BTBD9: variants seen among roughly 807,000 people sequenced by gnomAD.
The protein encoded by BTBD9 is BTB/POZ domain-containing protein 9.
Under a neutral mutation model 64.3 loss-of-function variants are expected in BTBD9, and 49 were observed. The ratio of observed to expected loss-of-function variants is 0.76; its 90% CI spans 0.61 to 0.97. The LOEUF is 0.97. Ranked by LOEUF, BTBD9 falls within the 50% of genes least tolerant of loss-of-function variation. The probability of loss-of-function intolerance (pLI) is 0.00; values close to 1 mark genes in which losing one functional copy is unlikely to be tolerated. For missense variants in BTBD9, 598 were observed against 762.1 expected (o/e 0.78, Z 2.53); for synonymous variants, 260 against 274.7 (o/e 0.95, Z 0.53).
intron 4 of BTBD9, among the ~76,000 whole-genome samples, chr6:38,586,418 A>C (rs886627705): frequency 1.6e-5 from 2 of 127,472 alleles, no homozygotes; most frequent in Non-Finnish European, 3.4e-5. Context: ...TTTTTTTTTA[A>C]GGGGGAAAAA....
chr6:38,522,914 G>A (rs1471899865), intron 6 of BTBD9, among the ~76,000 whole-genome samples: 2 of 152,200 alleles, frequency 1.3e-5, no homozygotes, highest in African/African-American at 2.4e-5. Context: ...TGGGCACAGT[G>A]GTTCATGCCT....
At chr6:38,313,874 T>C (rs1488646749) in intron 7 of BTBD9, among the ~76,000 whole-genome samples, 4 of 150,358 alleles carry the variant, frequency 2.7e-5, no homozygotes, top group African/African-American at 4.9e-5. Context: ...CTCAGCCTCC[T>C]GAGTAGCTGG....
At chr6:38,486,026 T>G (rs1412887811) in intron 6 of BTBD9, among the ~76,000 whole-genome samples, 2 of 152,226 alleles carry the variant, frequency 1.3e-5, no homozygotes, top group African/African-American at 4.8e-5. Context: ...TCTTGCATTT[T>G]TATGTTATGG....
chr6:38,620,779 GA>G (rs1777956326), intron 1 of BTBD9, among the ~76,000 whole-genome samples: 1 of 152,062 alleles, frequency 6.6e-6, no homozygotes, highest in Non-Finnish European at 1.5e-5. Context: ...GGTTCCTTGG[GA>G]TCACCAACTT....
intron 6 of BTBD9, among the ~76,000 whole-genome samples, chr6:38,435,061 G>C (rs2127299951): frequency 6.6e-6 from 1 of 151,808 alleles, no homozygotes; most frequent in Admixed American, 6.6e-5. Flanking sequence ...AGGCATGGTG[G>C]CACATGCCTG....
At chr6:38,408,362 A>AATAC (rs1562141966) in intron 6 of BTBD9, among the ~76,000 whole-genome samples, 1 of 151,558 alleles carries the variant, frequency 6.6e-6, no homozygotes, top group African/African-American at 2.4e-5. Flanking sequence ...TAAACAAAAC[A>AATAC]AAACAAAACC....
At chr6:38,454,392 T>C (rs546323288) in intron 6 of BTBD9, among the ~76,000 whole-genome samples, 171 of 151,962 alleles carry the variant, frequency 1.1e-3, no homozygotes, top group African/African-American at 4.0e-3. Context: ...AAATTCAAAT[T>C]TAAAGACATC....
chr6:38,177,625 C>T (rs115036120), intron 10 of BTBD9, among the ~76,000 whole-genome samples: 5 of 152,218 alleles, frequency 3.3e-5, no homozygotes, highest in South Asian at 2.1e-4. Flanking sequence ...CTCCGCACTG[C>T]GCTGGTAAGA....
chr6:38,396,291 A>C (rs946786366), intron 6 of BTBD9, among the ~76,000 whole-genome samples: 1 of 152,172 alleles, frequency 6.6e-6, no homozygotes, highest in Admixed American at 6.5e-5. Flanking sequence ...TAAAACCAAA[A>C]CTAAAAAGCT....
chr6:38,478,595 G>A (rs6933758), intron 6 of BTBD9, among the ~76,000 whole-genome samples: 75,966 of 151,924 alleles, frequency 0.5, 20,207 homozygotes, highest in Non-Finnish European at 0.6. Context: ...GAGGAAATGT[G>A]CATGGGCAGA....
At chr6:38,286,295 T>A (rs1051310230) in intron 8 of BTBD9, among the ~76,000 whole-genome samples, 6 of 152,220 alleles carry the variant, frequency 3.9e-5, no homozygotes, top group Non-Finnish European at 8.8e-5. Context: ...GCAAGCAGCA[T>A]CAACTTCTAT....
At position 38,586,406 on chromosome 6, in the gene BTBD9, C is replaced by CT. The variant is rs994588843; in HGVS notation, c.815-5970dup. Reference sequence around the variant, plus strand: ...GATAAGTTTAAAACACTGTTTGGATCTTTTTTTTTTAAGGGGGAAAAAAAA... The same window carrying CT: ...GATAAGTTTAAAACACTGTTTGGATCTTTTTTTTTTTAAGGGGGAAAAAAAA... On this transcript the variant is annotated intron_variant, in intron 4 of 10. Transcript: ENST00000481247. 2.4e-4 allele frequency among the ~76,000 whole-genome samples: 33 copies of CT among 134,790 alleles called. No individual in the cohort carries two copies. In the East Asian group the frequency reaches 3.5e-3, roughly 14 times the overall value. The allele number at this position is 134,790 out of a possible 152,430, so 88.4% of individuals were successfully genotyped here. A position where few individuals can be genotyped will look rare whatever the true frequency, so the allele number is the denominator to read the frequency against.
chr6:38,388,912 A>G (rs1470641581), intron 6 of BTBD9, among the ~76,000 whole-genome samples: 1 of 152,218 alleles, frequency 6.6e-6, no homozygotes, highest in African/African-American at 2.4e-5. Context: ...CTTTCTCAAG[A>G]AAGAAATCTG....
At chr6:38,358,733 T>C (rs1764828458) in intron 6 of BTBD9, among the ~76,000 whole-genome samples, 1 of 152,016 alleles carries the variant, frequency 6.6e-6, no homozygotes, top group Non-Finnish European at 1.5e-5. Flanking sequence ...AGACAGGATT[T>C]AAAGACAATA....
At chr6:38,532,078 C>T (rs1438483596) in intron 6 of BTBD9, among the ~76,000 whole-genome samples, 1 of 152,186 alleles carries the variant, frequency 6.6e-6, no homozygotes, top group Non-Finnish European at 1.5e-5. Context: ...CCACCCCCTC[C>T]CCATCCTGTG....
chr6:38,392,523 C>A (rs541043212), intron 6 of BTBD9, among the ~76,000 whole-genome samples: 2 of 143,560 alleles, frequency 1.4e-5, no homozygotes, highest in South Asian at 4.3e-4. Context: ...TCTACTATAC[C>A]AAAGACCTTG....
rs1491482634 is a variant in BTBD9, at chr6:38,374,296, T to TATATATATATATATAC, written c.1155-29204_1155-29203insGTATATATATATATAT. Among the ~76,000 whole-genome samples, 17 of 70,632 alleles carry TATATATATATATATAC rather than the reference T, an allele frequency of 2.4e-4. 1 individual carries two copies. The highest frequency in any genetic ancestry group is 3.1e-4 in the Non-Finnish European group (13 of 41,898). The allele number at this position is 70,632 out of a possible 152,430, so 46.3% of individuals were successfully genotyped here. On this transcript the variant is annotated intron_variant, in intron 6 of 10. Coordinates refer to ENST00000481247, the MANE Select transcript of BTBD9 (RefSeq NM_001099272.2). ...AAAAAAAAAAAAGTATATATATATA[T>TATATATATATATATAC]GTATATATATGTATATATATATATA...
At chr6:38,196,704 T>G (rs867178212) in intron 9 of BTBD9, among the ~76,000 whole-genome samples, 11 of 152,366 alleles carry the variant, frequency 7.2e-5, no homozygotes, top group Admixed American at 2.0e-4. Context: ...TGAGCTCTCC[T>G]TCCACAAACT....
At chr6:38,247,683 C>T (rs1018325708) in intron 9 of BTBD9, among the ~76,000 whole-genome samples, 7 of 152,252 alleles carry the variant, frequency 4.6e-5, no homozygotes, top group Admixed American at 2.0e-4. Context: ...CTCAGAGAAG[C>T]GGGCTTTAAG....
Sources: allele counts gnomAD v4.1 joint callset (sites outside exome capture counted in the v4.1 genomes callset), GRCh38; gene constraint gnomAD v4.1.1; transcripts MANE v1.5; gene names NCBI Gene and HGNC (gene_info 2026-07-23, HGNC 2026-07-21).